GRIK2: variants seen among roughly 807,000 people sequenced by gnomAD.
The protein encoded by GRIK2 is glutamate ionotropic receptor kainate type subunit 2, also known as glutamate receptor ionotropic, kainate 2.
Under a neutral mutation model 100.3 loss-of-function variants are expected in GRIK2, and 32 were observed. That is an observed-to-expected ratio of 0.32 (90% CI 0.24 to 0.43). The LOEUF (loss-of-function observed/expected upper bound fraction) is 0.43. Ranked by LOEUF, GRIK2 falls within the 20% of genes least tolerant of loss-of-function variation. The pLI, the probability that GRIK2 is intolerant of heterozygous loss-of-function variation, is 1.00. For missense variants in GRIK2, 843 were observed against 1,114.9 expected (o/e 0.76, Z 3.47); for synonymous variants, 417 against 389.4 (o/e 1.07, Z -0.83).
intron 4 of GRIK2, among the ~76,000 whole-genome samples, chr6:101,665,629 G>C (rs181983093): frequency 6.6e-6 from 1 of 152,192 alleles, no homozygotes; most frequent in Non-Finnish European, 1.5e-5. Flanking sequence ...GTTATGAATT[G>C]CTGTTGGATA....
At chr6:101,747,800 C>T (rs1776514956) in intron 7 of GRIK2, among the ~76,000 whole-genome samples, 1 of 152,050 alleles carries the variant, frequency 6.6e-6, no homozygotes, top group Admixed American at 6.5e-5. Flanking sequence ...GTATCCCATA[C>T]TGTGCCATCT....
chr6:101,883,703 A>G (rs1168541984), intron 11 of GRIK2, among the ~76,000 whole-genome samples: 3 of 152,132 alleles, frequency 2.0e-5, no homozygotes, highest in Non-Finnish European at 4.4e-5. Context: ...TGAAAGAATA[A>G]GCCATTTGTG....
chr6:101,818,677 G>A (rs896593544), intron 10 of GRIK2, among the ~76,000 whole-genome samples, 194 bp downstream of exon 10: 4 of 152,044 alleles, frequency 2.6e-5, no homozygotes, highest in South Asian at 4.2e-4. Flanking sequence ...TTGTATTAAC[G>A]TTTGGGCTGT....
intron 4 of GRIK2, among the ~76,000 whole-genome samples, chr6:101,658,296 A>G (rs933781100): frequency 2.6e-5 from 4 of 152,232 alleles, no homozygotes; most frequent in Non-Finnish European, 5.9e-5. Context: ...GACTAAGAAC[A>G]TGCAGTGTTT....
chr6:101,882,395 G>T (rs1399866026), intron 11 of GRIK2, among the ~76,000 whole-genome samples: 1 of 152,068 alleles, frequency 6.6e-6, no homozygotes, highest in African/African-American at 2.4e-5. Context: ...CAAAACTCTA[G>T]AAACATTTTA....
At chr6:101,653,696 C>T (rs1781926955) in intron 4 of GRIK2, among the ~76,000 whole-genome samples, 1 of 151,892 alleles carries the variant, frequency 6.6e-6, no homozygotes, top group African/African-American at 2.4e-5. Flanking sequence ...TATCTCAGCT[C>T]ACTGAAATCT....
chr6:101,922,230 T>C (rs968447147), intron 12 of GRIK2, among the ~76,000 whole-genome samples: 1 of 151,976 alleles, frequency 6.6e-6, no homozygotes, highest in African/African-American at 2.4e-5. Flanking sequence ...TTTTCAAATG[T>C]ATATGTATAA....
chr6:101,751,575 A>G (rs547961457), intron 7 of GRIK2, among the ~76,000 whole-genome samples: 28 of 152,282 alleles, frequency 1.8e-4, no homozygotes, highest in African/African-American at 6.7e-4. Flanking sequence ...ACAATGATCT[A>G]ATTTCCAATT....
chr6:101,973,976 T>C (rs1793215414), intron 14 of GRIK2, among the ~76,000 whole-genome samples: 1 of 151,954 alleles, frequency 6.6e-6, no homozygotes, highest in African/African-American at 2.4e-5. Context: ...AATATACATT[T>C]GGATATACTA....
At chr6:101,396,214 T>C (rs1774998570) in intron 1 of GRIK2, among the ~76,000 whole-genome samples, 1 of 151,436 alleles carries the variant, frequency 6.6e-6, no homozygotes, top group African/African-American at 2.4e-5. Flanking sequence ...AATCATTTTA[T>C]TGTAGTATAG....
chr6:102,011,645 G>A (rs554763101), intron 14 of GRIK2, among the ~76,000 whole-genome samples: 2 of 137,898 alleles, frequency 1.5e-5, no homozygotes, highest in South Asian at 2.3e-4. Context: ...GTGCAGTGGC[G>A]CGATCTCGGC....
intron 7 of GRIK2, among the ~76,000 whole-genome samples, chr6:101,748,259 G>A (rs1356471558): frequency 6.6e-6 from 1 of 151,910 alleles, no homozygotes; most frequent in Non-Finnish European, 1.5e-5. Flanking sequence ...TCTCTGTTAG[G>A]GAAAGTCATG....
intron 12 of GRIK2, among the ~76,000 whole-genome samples, chr6:101,917,920 A>G (rs771980742): frequency 2.0e-5 from 3 of 151,622 alleles, no homozygotes; most frequent in Non-Finnish European, 3.0e-5. Context: ...AAAACTTTGT[A>G]TTCCTCGTAC....
Position 102,062,224 on chromosome 6 carries a change from G to A in GRIK2, c.2563-6123G>A, listed in dbSNP as rs529135141. On this transcript the variant is annotated intron_variant, in intron 16 of 16. Coordinates refer to ENST00000369134, the MANE Select transcript of GRIK2 (RefSeq NM_021956.5). ...AATAATCCAGGCTAAAGCATAACAT[G>A]ATTTATAATTTAATTCACTAAGAAA... 7.9e-4 allele frequency among the ~76,000 whole-genome samples: 119 copies of A among 150,424 alleles called. 1 individual carries two copies. The South Asian group carries it at 0.023, about 29-fold the overall frequency.
chr6:101,954,609 A>C (rs576922034), intron 14 of GRIK2, among the ~76,000 whole-genome samples: 2 of 152,158 alleles, frequency 1.3e-5, no homozygotes, highest in Admixed American at 1.3e-4. Context: ...GTGTTAGTAG[A>C]TATATCTGGA....
chr6:101,675,065 A>G (rs117954754), intron 4 of GRIK2, among the ~76,000 whole-genome samples: 3,450 of 152,218 alleles, frequency 0.023, 68 homozygotes, highest in Non-Finnish European at 0.03. Flanking sequence ...AAGTAAATAA[A>G]ACCTTATTGT....
At chr6:101,506,987 A>T (rs959924667) in intron 2 of GRIK2, among the ~76,000 whole-genome samples, 4 of 152,238 alleles carry the variant, frequency 2.6e-5, no homozygotes, top group Admixed American at 2.6e-4. Flanking sequence ...AGGAGAGCCT[A>T]TGACATCCCA....
chr6:101,722,658 G>C (rs572518713), intron 7 of GRIK2, among the ~76,000 whole-genome samples: 1 of 152,176 alleles, frequency 6.6e-6, no homozygotes, highest in Admixed American at 6.6e-5. Flanking sequence ...AAGAGGGATG[G>C]ATGCCAACTG....
intron 9 of GRIK2, 26 bp downstream of exon 9, chr6:101,802,464 A>T (rs1293111544): frequency 1.0e-6 from 1 of 967,388 alleles, no homozygotes; most frequent in Non-Finnish European, 1.6e-6. Context: ...TATTTGCTTT[A>T]ATTACTAAAT....
Sources: gnomAD v4.1 joint callset for allele counts (sites outside exome capture counted in the v4.1 genomes callset) on GRCh38, gnomAD v4.1.1 for gene constraint, MANE v1.5 for transcripts, NCBI Gene and HGNC (gene_info 2026-07-23, HGNC 2026-07-21) for gene names.